Variants in RCL1 observed in about 807,000 individuals in gnomAD.
The protein encoded by RCL1 is RNA terminal phosphate cyclase like 1.
A neutral mutation model predicts 42.4 loss-of-function variants in RCL1; 24 were observed. The ratio of observed to expected loss-of-function variants is 0.57; its 90% CI spans 0.41 to 0.80. The LOEUF is 0.80. RCL1 is among the 30% of genes least tolerant of loss of function. RCL1 has a pLI of 0.00. For missense variants in RCL1, 578 were observed against 467.9 expected, an observed-to-expected ratio of 1.24 and a Z score of -2.17; for synonymous variants, 228 against 177.3, an observed-to-expected ratio of 1.29 and a Z score of -2.27.
intron 1 of RCL1, among the ~76,000 whole-genome samples, chr9:4,794,672 T>A (rs1347571061): frequency 6.6e-6 from 1 of 151,460 alleles, no homozygotes; most frequent in Non-Finnish European, 1.5e-5. Context: ...AATGGAAGTA[T>A]AGCCTGGAAA....
intron 8 of RCL1, chr9:4,850,460 T>A (rs1025448164): frequency 2.4e-5 from 7 of 289,732 alleles, no homozygotes; most frequent in Non-Finnish European, 2.3e-5. Flanking sequence ...AACCAGGAGC[T>A]TGAAATAAAT....
chr9:4,793,388 A>C (rs1476268207), intron 1 of RCL1, among the ~76,000 whole-genome samples, 161 bp downstream of exon 1: 1 of 151,722 alleles, frequency 6.6e-6, no homozygotes, highest in African/African-American at 2.4e-5. Context: ...AGGGGCAGGC[A>C]CAGTGGGGGA....
At chr9:4,805,158 G>A (rs1843081032) in intron 1 of RCL1, among the ~76,000 whole-genome samples, 1 of 152,182 alleles carries the variant, frequency 6.6e-6, no homozygotes, top group Non-Finnish European at 1.5e-5. Flanking sequence ...GAAGCCTCCA[G>A]CCTGGGCAAT....
chr9:4,844,771 A>T, intron 7 of RCL1, 90 bp downstream of exon 7: 1 of 1,358,692 alleles, frequency 7.4e-7, no homozygotes, highest in Non-Finnish European at 1.0e-6. Flanking sequence ...TCCTCTTCCA[A>T]GGGCTCAAGC....
rs187133781 is a variant in RCL1, at chr9:4,801,369, G to A, written c.136+8142G>A. ...TAACTTTTTGTAGAGATGGAGTCTC[G>A]CTATGTTGTCCAGGCTGGTCTTGAA... is the stretch of plus-strand genomic sequence containing the variant. On this transcript the variant is annotated intron_variant, in intron 1 of 8. Coordinates refer to ENST00000381750, the MANE Select transcript of RCL1 (RefSeq NM_005772.5). Among the ~76,000 whole-genome samples the A allele has an allele frequency of 7.2e-5, 11 of 152,046 alleles. No homozygotes were observed. In the East Asian group the frequency reaches 1.9e-3, roughly 27 times the overall value.
In RCL1 at chr9:4,840,953, T is replaced by G. The variant is rs185726928; in HGVS notation, c.585-279T>G. Among the ~76,000 whole-genome samples the G allele has an allele frequency of 1.5e-3, 235 of 152,216 alleles. 1 individual carries two copies. The highest frequency in any genetic ancestry group is 5.5e-3 in the African/African-American group (228 of 41,542). On this transcript the variant is annotated intron_variant, in intron 5 of 8. Transcript: ENST00000381750. Reference sequence around the variant, plus strand: ...CCTTCCAAAATTGACTTGAACCATTTCTAGGGGAAGCGTGTGGGTAGGAAG... The same window carrying G: ...CCTTCCAAAATTGACTTGAACCATTGCTAGGGGAAGCGTGTGGGTAGGAAG...
chr9:4,833,032 G>A, intron 3 of RCL1, 122 bp from the exon 4 acceptor site: 2 of 680,804 alleles, frequency 2.9e-6, no homozygotes, highest in East Asian at 5.5e-5. Context: ...TTATATGCCA[G>A]CATCCTTTCT....
chr9:4,799,108 C>T (rs993300433), intron 1 of RCL1, among the ~76,000 whole-genome samples: 46 of 113,026 alleles, frequency 4.1e-4, no homozygotes, highest in African/African-American at 1.7e-3. Flanking sequence ...TCTCCTTCCT[C>T]TTTTTCTCCC....
chr9:4,837,568 T>C (rs1563849002), intron 5 of RCL1, among the ~76,000 whole-genome samples: 1 of 152,192 alleles, frequency 6.6e-6, no homozygotes, highest in African/African-American at 2.4e-5. Flanking sequence ...TGCTCTGTTT[T>C]GACACAATCT....
chr9:4,824,527 A>C (rs1816694551), intron 2 of RCL1, among the ~76,000 whole-genome samples: 1 of 152,134 alleles, frequency 6.6e-6, no homozygotes. Flanking sequence ...CCATTGATAA[A>C]CATTTAGGTT....
At chr9:4,801,292 C>G (rs1054613202) in intron 1 of RCL1, among the ~76,000 whole-genome samples, 1 of 152,158 alleles carries the variant, frequency 6.6e-6, no homozygotes, top group African/African-American at 2.4e-5. Flanking sequence ...TCATCTCAGC[C>G]TCCCGAGTAG....
chr9:4,846,423 G>A (rs1817514269), intron 7 of RCL1, among the ~76,000 whole-genome samples: 1 of 152,226 alleles, frequency 6.6e-6, no homozygotes. Context: ...GGCCTCAGAT[G>A]TTTTGGTGCT....
At chr9:4,813,053 C>T (rs978785173) in intron 1 of RCL1, among the ~76,000 whole-genome samples, 2 of 152,100 alleles carry the variant, frequency 1.3e-5, no homozygotes, top group Non-Finnish European at 2.9e-5. Context: ...TTTGGATGCC[C>T]TTTATTTCTG....
chr9:4,809,514 T>G (rs1816096704), intron 1 of RCL1, among the ~76,000 whole-genome samples: 1 of 152,232 alleles, frequency 6.6e-6, no homozygotes, highest in East Asian at 1.9e-4. Context: ...TTCACCAAGT[T>G]GGCCAGGCCG....
intron 1 of RCL1, among the ~76,000 whole-genome samples, chr9:4,813,546 T>G (rs1268423865): frequency 1.3e-5 from 2 of 152,220 alleles, no homozygotes; most frequent in African/African-American, 2.4e-5. Flanking sequence ...CAACAGGTGC[T>G]GAAGAGGATG....
At chr9:4,822,053 A>G (rs557991254) in intron 1 of RCL1, among the ~76,000 whole-genome samples, 1 of 152,250 alleles carries the variant, frequency 6.6e-6, no homozygotes, top group Non-Finnish European at 1.5e-5. Context: ...TGCAACACAC[A>G]GCAGCTTTAT....
At chr9:4,805,435 A>C (rs183380914) in intron 1 of RCL1, among the ~76,000 whole-genome samples, 1 of 152,292 alleles carries the variant, frequency 6.6e-6, no homozygotes, top group East Asian at 1.9e-4. Context: ...CAAAACCAAA[A>C]AACCCCAAAT....
chr9:4,795,496 C>T (rs968091669), intron 1 of RCL1, among the ~76,000 whole-genome samples: 5 of 152,122 alleles, frequency 3.3e-5, no homozygotes, highest in South Asian at 2.1e-4. Context: ...TATACGTGCA[C>T]GCATAAATAG....
intron 7 of RCL1, 145 bp from the exon 8 acceptor site, chr9:4,849,302 T>A (rs1393959428): frequency 3.2e-6 from 2 of 625,150 alleles, no homozygotes; most frequent in Admixed American, 5.6e-5. Context: ...CAATGATTAC[T>A]CTTATAAGAC....
Sources: gnomAD v4.1 joint callset for allele counts (sites outside exome capture counted in the v4.1 genomes callset) on GRCh38, gnomAD v4.1.1 for gene constraint, MANE v1.5 for transcripts, NCBI Gene and HGNC (gene_info 2026-07-23, HGNC 2026-07-21) for gene names.